Variants in MID1 observed in about 807,000 individuals in gnomAD.
MID1 encodes midline 1, also known as E3 ubiquitin-protein ligase Midline-1.
MID1 carries 7 observed loss-of-function variants against 40.4 expected under a neutral mutation model. The ratio of observed to expected loss-of-function variants is 0.17; its 90% CI spans 0.10 to 0.33. The LOEUF (loss-of-function observed/expected upper bound fraction) is 0.33. Ranked by LOEUF, MID1 falls within the 10% of genes least tolerant of loss-of-function variation. The pLI is 1.00. For missense variants in MID1, 367 were observed against 558.5 expected, an observed-to-expected ratio of 0.66 and a Z score of 3.46; for synonymous variants, 229 against 221.2, an observed-to-expected ratio of 1.04 and a Z score of -0.31.
intron 7 of MID1, among the ~76,000 whole-genome samples, chrX:10,466,987 G>A (rs1239151879): frequency 4.5e-5 from 5 of 111,475 alleles, no homozygotes; most frequent in Non-Finnish European, 7.5e-5. Flanking sequence ...ATAATTCCCC[G>A]TGTGTGGAAG....
At chrX:10,547,173 G>A (rs1461849891) in intron 2 of MID1, among the ~76,000 whole-genome samples, 1 of 110,236 alleles carries the variant, frequency 9.1e-6, no homozygotes, top group East Asian at 2.9e-4. Flanking sequence ...CATGCCTGTA[G>A]TTCCAGCTAC....
chrX:10,604,988 T>C (rs1220249558), intron 1 of MID1, among the ~76,000 whole-genome samples: 1 of 112,336 alleles, frequency 8.9e-6, no homozygotes, highest in Non-Finnish European at 1.9e-5. Flanking sequence ...AATCTGCCTG[T>C]CGGCTCAATC....
At chrX:10,779,075 A>G (rs2043827309) in intron 1 of MID1, among the ~76,000 whole-genome samples, 1 of 112,967 alleles carries the variant, frequency 8.9e-6, no homozygotes, top group Non-Finnish European at 1.9e-5. Flanking sequence ...TAGTTCTAGC[A>G]AGAACTAGAA....
chrX:10,670,628 C>T (rs1421062053), intron 1 of MID1, among the ~76,000 whole-genome samples: 1 of 111,745 alleles, frequency 8.9e-6, no homozygotes, highest in Non-Finnish European at 1.9e-5. Flanking sequence ...TTTTAGGATT[C>T]CTAAGGCATT....
intron 2 of MID1, among the ~76,000 whole-genome samples, chrX:10,535,388 T>A (rs978555637): frequency 8.9e-6 from 1 of 112,392 alleles, no homozygotes; most frequent in Non-Finnish European, 1.9e-5. Flanking sequence ...ATATTTGTAA[T>A]GCAGCTTATA....
chrX:10,777,210 TA>T (rs1449843842), intron 1 of MID1, among the ~76,000 whole-genome samples: 1 of 111,811 alleles, frequency 8.9e-6, no homozygotes, highest in African/African-American at 3.3e-5. Flanking sequence ...TTTATTTATT[TA>T]TTTTTTTTGA....
chrX:10,465,214 T>TATATACACACACAC (rs1477864693), intron 7 of MID1, among the ~76,000 whole-genome samples: 12 of 39,900 alleles, frequency 3.0e-4, no homozygotes, highest in African/African-American at 1.4e-3. Flanking sequence ...TATATATATA[T>TATATACACACACAC]ACACACACAC....
chrX:10,579,755 C>T (rs1050513955), intron 1 of MID1, among the ~76,000 whole-genome samples: 1 of 110,428 alleles, frequency 9.1e-6, no homozygotes, highest in South Asian at 3.9e-4. Flanking sequence ...TTAAACATTT[C>T]CCCTGATCAC....
intron 1 of MID1, among the ~76,000 whole-genome samples, chrX:10,601,539 C>A (rs1935518446): frequency 1.8e-5 from 2 of 111,729 alleles, no homozygotes; most frequent in South Asian, 7.6e-4. Context: ...GCCACAAAAC[C>A]CAAAATATTT....
chrX:10,831,926 A>G (rs1294778318), intron 1 of MID1, among the ~76,000 whole-genome samples: 1 of 112,463 alleles, frequency 8.9e-6, no homozygotes, highest in East Asian at 2.8e-4. Context: ...GCTTGGGGCC[A>G]TCTCATCAGC....
At chrX:10,804,197 C>A (rs1285798110) in intron 1 of MID1, among the ~76,000 whole-genome samples, 1 of 112,304 alleles carries the variant, frequency 8.9e-6, no homozygotes, top group East Asian at 2.8e-4. Context: ...TTTTTTCTAA[C>A]AGAACCTTTA....
intron 1 of MID1, among the ~76,000 whole-genome samples, chrX:10,743,142 G>A (rs1290194332): frequency 8.9e-6 from 1 of 112,682 alleles, no homozygotes; most frequent in Non-Finnish European, 1.9e-5. Flanking sequence ...TACCGCTGTG[G>A]CTTAGAAGGA....
In MID1 at chrX:10,826,761, A is replaced by G. The variant is rs181419811; in HGVS notation, c.-187+6793T>C. Among the ~76,000 whole-genome samples the G allele has an allele frequency of 1.9e-4, 21 of 112,359 alleles. No homozygotes were observed. The East Asian group carries it at 4.7e-3, about 25-fold the overall frequency. Reference sequence around the variant, plus strand: ...GTGAACCTTTACTCATGTCTGTGTGATATTTCATCAATGTTTGTCTCCTAC... The same window carrying G: ...GTGAACCTTTACTCATGTCTGTGTGGTATTTCATCAATGTTTGTCTCCTAC... On this transcript the variant is annotated intron_variant, in intron 1 of 10. Transcript: ENST00000380785.
At chrX:10,626,311 C>CTAT (rs772195870) in intron 1 of MID1, among the ~76,000 whole-genome samples, 8,998 of 101,781 alleles carry the variant, frequency 0.088, 393 homozygotes, top group Middle Eastern at 0.14. Flanking sequence ...TCATATGAAA[C>CTAT]TATTATTATT....
chrX:10,505,640 G>A (rs1041545223), intron 3 of MID1: 20 of 751,271 alleles, frequency 2.7e-5, no homozygotes, highest in Non-Finnish European at 3.0e-5. Flanking sequence ...TGATGTTGTG[G>A]TCAGAGGGTA....
At chrX:10,542,490 C>T (rs566542754) in intron 2 of MID1, among the ~76,000 whole-genome samples, 14 of 111,671 alleles carry the variant, frequency 1.3e-4, no homozygotes, top group African/African-American at 4.2e-4. Flanking sequence ...TGGTAATTAA[C>T]GTCAGAAATA....
At chrX:10,527,376 C>G (rs1291595879) in intron 2 of MID1, among the ~76,000 whole-genome samples, 1 of 111,698 alleles carries the variant, frequency 9.0e-6, no homozygotes, top group Non-Finnish European at 1.9e-5. Flanking sequence ...CTCAGTTTTC[C>G]CATCCATAAT....
At chrX:10,820,790 G>A (rs1034351780) in intron 1 of MID1, among the ~76,000 whole-genome samples, 1 of 111,788 alleles carries the variant, frequency 8.9e-6, no homozygotes, top group African/African-American at 3.2e-5. Context: ...AGCATTCCCC[G>A]ACCACTCTGA....
intron 2 of MID1, among the ~76,000 whole-genome samples, chrX:10,539,927 C>G (rs1933403670): frequency 8.9e-6 from 1 of 112,361 alleles, no homozygotes; most frequent in Admixed American, 9.4e-5. Flanking sequence ...GTGGAAGACA[C>G]CTGGGCTCGG....
Sources: gnomAD v4.1 joint callset for allele counts (sites outside exome capture counted in the v4.1 genomes callset) on GRCh38, gnomAD v4.1.1 for gene constraint, MANE v1.5 for transcripts, NCBI Gene and HGNC (gene_info 2026-07-23, HGNC 2026-07-21) for gene names.